Variants in SMC2 observed in about 807,000 individuals in gnomAD.
The protein encoded by SMC2 is structural maintenance of chromosomes protein 2.
SMC2 carries 41 observed loss-of-function variants against 142.6 expected under a neutral mutation model. The ratio of observed to expected loss-of-function variants is 0.29; its 90% CI spans 0.22 to 0.37. The LOEUF (loss-of-function observed/expected upper bound fraction) is 0.37, where lower values mean the gene tolerates loss of function less well. Among genes scored for constraint, SMC2 ranks in the 10% least tolerant of loss-of-function variants. The probability of loss-of-function intolerance (pLI) is 1.00; values close to 1 mark genes in which losing one functional copy is unlikely to be tolerated. For synonymous variants in SMC2, 463 were observed against 457.5 expected (o/e 1.01, Z -0.15); for missense variants, 1,265 against 1,373.7 (o/e 0.92, Z 1.25).
At chr9:104,133,670 T>A (rs899500276) in intron 22 of SMC2, among the ~76,000 whole-genome samples, 2 of 152,078 alleles carry the variant, frequency 1.3e-5, no homozygotes, top group African/African-American at 4.8e-5. Flanking sequence ...ATCAAGTGCG[T>A]ATGAACAAAA....
At chr9:104,122,420 A>G (rs914864018) in intron 16 of SMC2, among the ~76,000 whole-genome samples, 1 of 152,014 alleles carries the variant, frequency 6.6e-6, no homozygotes, top group East Asian at 1.9e-4. Flanking sequence ...ACTGTCAAGT[A>G]TATCTTCAGG....
At chr9:104,098,255 C>G (rs986461483) in intron 3 of SMC2, among the ~76,000 whole-genome samples, 191 bp from the exon 4 acceptor site, 1 of 152,182 alleles carries the variant, frequency 6.6e-6, no homozygotes, top group Non-Finnish European at 1.5e-5. Context: ...AAAGTACTTG[C>G]ATTAGATACT....
At chr9:104,088,893 CT>C in the SMC2 span, among the ~76,000 whole-genome samples, 75 of 152,042 alleles carry the variant, frequency 4.9e-4, 1 homozygote, top group East Asian at 0.01. Flanking sequence ...CTATAAATGC[CT>C]ATTGAATCCA....
At position 104,139,349 on chromosome 9, in the gene SMC2, T is replaced by A; in HGVS notation, c.*34T>A. The A allele has an allele frequency of 6.5e-7, 1 of 1,531,078 alleles. No homozygotes were observed. The highest frequency in any genetic ancestry group is 8.8e-7 in the Non-Finnish European group (1 of 1,142,598). The allele number at this position is 1,531,078 out of a possible 1,614,324, so 94.8% of individuals were successfully genotyped here. A position where few individuals can be genotyped will look rare whatever the true frequency, so the allele number is the denominator to read the frequency against. On this transcript the variant is annotated 3_prime_UTR_variant, in exon 25 of 25. Coordinates refer to ENST00000374793, the MANE Select transcript of SMC2 (RefSeq NM_006444.3). Reference sequence around the variant, plus strand: ...GTTATTTCTTCATCTTGACCTGTTTTTTTAAATGTAAACTTTTAAGGACTT... The same window carrying A: ...GTTATTTCTTCATCTTGACCTGTTTATTTAAATGTAAACTTTTAAGGACTT...
upstream of SMC2, among the ~76,000 whole-genome samples, chr9:104,090,158 T>A (rs1421036200): frequency 6.6e-6 from 1 of 152,078 alleles, no homozygotes; most frequent in Non-Finnish European, 1.5e-5. Context: ...ATAGAAATAA[T>A]GGATAAAATA....
chr9:104,126,139 G>A (rs569466828), intron 18 of SMC2, among the ~76,000 whole-genome samples: 2 of 152,224 alleles, frequency 1.3e-5, no homozygotes, highest in East Asian at 3.9e-4. Flanking sequence ...GTGATGATCT[G>A]AGATGGGGTG....
chr9:104,133,974 G>A (rs1835254351), intron 22 of SMC2, among the ~76,000 whole-genome samples: 1 of 152,050 alleles, frequency 6.6e-6, no homozygotes, highest in Non-Finnish European at 1.5e-5. Context: ...AAAAATACTT[G>A]TGTTTTTTTG....
chr9:104,108,497 A>G (rs897771471), intron 9 of SMC2, among the ~76,000 whole-genome samples: 1 of 152,140 alleles, frequency 6.6e-6, no homozygotes, highest in Non-Finnish European at 1.5e-5. Context: ...TGCCTCAGGC[A>G]CTGTCTGAGA....
chr9:104,088,392 G>A, the SMC2 span, among the ~76,000 whole-genome samples: 15 of 152,070 alleles, frequency 9.9e-5, no homozygotes, highest in South Asian at 4.2e-4. Context: ...TATCACAAAG[G>A]TATGTCACAA....
intron 1 of SMC2, 198 bp downstream of exon 1, chr9:104,094,675 G>C (rs1241131494): frequency 2.7e-6 from 1 of 365,616 alleles, no homozygotes; most frequent in Non-Finnish European, 4.9e-6. Context: ...GACAGGCCTG[G>C]AGAAGCGAGG....
chr9:104,121,917 G>A (rs1337609967), intron 16 of SMC2, among the ~76,000 whole-genome samples: 2 of 152,140 alleles, frequency 1.3e-5, no homozygotes, highest in African/African-American at 2.4e-5. Flanking sequence ...ACCACACCCG[G>A]CTAATTTTTG....
Position 104,100,418 on chromosome 9 carries a change from T to C in SMC2, c.621T>C (p.Ile207=). 1 of 1,521,928 alleles carries C rather than the reference T, an allele frequency of 6.6e-7. No individual in the cohort carries two copies. Among genetic ancestry groups the C allele is most frequent in the South Asian group, 1.1e-5 (1 of 87,108 alleles). 94.3% of individuals were successfully genotyped at this position (1,521,928 alleles called of 1,614,324 possible). ...TTGAAGAAGAGATTACTCCAACCAT[T>C]CAAAAATTAAAAGAGGTATATTCTG... The part of the protein sequence containing the change: ...TILEEEITPT[I]QKLKEERSSY... The change falls in exon 7 of 25, where the codon ATT becomes ATC. Residue 207 remains isoleucine (I), a synonymous_variant. Transcript: ENST00000374793.
At chr9:104,092,838 C>T (rs138998127), upstream of SMC2, 1 of 152,300 alleles carries the variant, frequency 6.6e-6, no homozygotes, top group Non-Finnish European at 1.5e-5. Flanking sequence ...ACATGACCTA[C>T]GCTATGGTCT....
intron 1 of SMC2, 170 bp from the exon 2 acceptor site, chr9:104,095,154 C>G: frequency 2.1e-6 from 1 of 468,578 alleles, no homozygotes; most frequent in Non-Finnish European, 3.8e-6. Context: ...CAGATAGTGG[C>G]TAACTCTGGT....
chr9:104,093,393 A>G (rs1472214806), upstream of SMC2, among the ~76,000 whole-genome samples: 1 of 152,128 alleles, frequency 6.6e-6, no homozygotes, highest in Non-Finnish European at 1.5e-5. Context: ...CTGGAGCTAG[A>G]CCGCCTGGGA....
chr9:104,092,322 G>A (rs1829997107), upstream of SMC2: 1 of 152,218 alleles, frequency 6.6e-6, no homozygotes, highest in African/African-American at 2.4e-5. Context: ...CAGTGCACTT[G>A]TGTATGTTTT....
chr9:104,127,675 T>TTTAGATTTAACTTTAGATA (rs1834463240), intron 20 of SMC2, among the ~76,000 whole-genome samples, 195 bp downstream of exon 20: 1 of 152,212 alleles, frequency 6.6e-6, no homozygotes, highest in Admixed American at 6.5e-5. Context: ...ATGTTTTATT[T>TTTAGATTTAACTTTAGATA]TTAGATTTAA....
Position 104,116,127 on chromosome 9 carries a change from CTACTA to C in SMC2, c.1672-72_1672-68del, listed in dbSNP as rs1833082806. On this transcript the variant is annotated intron_variant, in intron 13 of 24. Transcript: ENST00000374793. ...GCACTAAACATTCATTTATTATAGA[CTACTA>C]AACTTGCATTCTCTCAATTTTCTGT... is the stretch of plus-strand genomic sequence containing the variant. 1.1e-5 allele frequency: 15 copies of C among 1,326,432 alleles called. No individual in the cohort carries two copies. In the South Asian group the frequency reaches 2.0e-4, roughly 18 times the overall value. 82.2% of individuals were successfully genotyped at this position (1,326,432 alleles called of 1,614,324 possible).
rs1208243119 is a variant in SMC2 at position 104,120,113 on chromosome 9, C to T, written c.2083C>T (p.Leu695=). The stretch of plus-strand genomic sequence containing the variant: ...TGAACTGAGAATCAAAGAGAATGAG[C>T]TGCGGGCTCTAGAAGAGGAATTAGC... ...QDELRIKENE[L]RALEEELAGL... Residue 695 remains leucine (L), a synonymous_variant, in exon 16 of 25, where the codon CTG becomes TTG. Coordinates refer to ENST00000374793, the MANE Select transcript of SMC2 (RefSeq NM_006444.3). The T allele has an allele frequency of 8.7e-6, 14 of 1,613,700 alleles. No individual in the cohort carries two copies. The highest frequency in any genetic ancestry group is 1.3e-5 in the African/African-American group (1 of 74,878).
Sources: gnomAD v4.1 joint callset for allele counts (sites outside exome capture counted in the v4.1 genomes callset) on GRCh38, gnomAD v4.1.1 for gene constraint, MANE v1.5 for transcripts, NCBI Gene and HGNC (gene_info 2026-07-23, HGNC 2026-07-21) for gene names.